The following RPL12 variants were observed in gnomAD, a reference collection of about 807,000 sequenced individuals.
RPL12 encodes the protein large ribosomal subunit protein uL11.
Under a neutral mutation model 24.5 loss-of-function variants are expected in RPL12, and 10 were observed. That is an observed-to-expected ratio of 0.41 (90% confidence interval 0.25 to 0.69). The LOEUF (loss-of-function observed/expected upper bound fraction) is 0.69, where lower values mean the gene tolerates loss of function less well. Ranked by LOEUF, RPL12 falls within the 30% of genes least tolerant of loss-of-function variation. The pLI, the probability that RPL12 is intolerant of heterozygous loss-of-function variation, is 0.33. For missense variants in RPL12, 137 were observed against 205.3 expected (o/e 0.67, Z 2.03); for synonymous variants, 74 against 76.1 (o/e 0.97, Z 0.14).
intron 5 of RPL12, 36 bp downstream of exon 5, chr9:127,448,301 T>C (rs2131972043): frequency 1.3e-6 from 2 of 1,498,684 alleles, no homozygotes; most frequent in Admixed American, 1.7e-5. Flanking sequence ...AAAACACAAC[T>C]ACAGTTATGG....
Position 127,447,870 on chromosome 9 carries a change from CACTT to C in RPL12, c.492+3_492+6del, listed in dbSNP as rs748015089. 4.3e-6 allele frequency: 7 copies of C among 1,610,640 alleles called. No individual in the cohort carries two copies. The highest frequency in any genetic ancestry group is 5.9e-6 in the Non-Finnish European group (7 of 1,178,554). On this transcript the variant is annotated splice_donor_5th_base_variant and intron_variant, in intron 6 of 6. Coordinates refer to ENST00000361436, the MANE Select transcript of RPL12 (RefSeq NM_000976.4). ...ACCCCTACTGTAACAATGAAAATGT[CACTT>C]ACGGCTGGGCATTCCACAGCACCAC...
chr9:127,450,683 A>G lies in RPL12; in HGVS notation c.111+48T>C, dbSNP rs1323072142. 5 of 1,415,450 alleles carry G rather than the reference A, an allele frequency of 3.5e-6. No individual in the cohort carries two copies. In the East Asian group the frequency reaches 1.0e-4, roughly 29 times the overall value. The allele number at this position is 1,415,450 out of a possible 1,614,324, so 87.7% of individuals were successfully genotyped here. ...GGCGTGACTCCACGAGCCGGCGCTT[A>G]AAGTGAAACAAATGTGAAAAAAATG... is the stretch of plus-strand genomic sequence containing the variant. On this transcript the variant is annotated intron_variant, in intron 2 of 6. Transcript: ENST00000361436.
chr9:127,448,248 C>T lies in RPL12; in HGVS notation c.379+89G>A, dbSNP rs866930646. 5 of 1,160,046 alleles carry T rather than the reference C, an allele frequency of 4.3e-6. No individual in the cohort carries two copies. In the African/African-American group the frequency reaches 6.1e-5, roughly 14 times the overall value. 71.9% of individuals were successfully genotyped at this position (1,160,046 alleles called of 1,614,324 possible). A position where few individuals can be genotyped will look rare whatever the true frequency, so the allele number is the denominator to read the frequency against. ...GAAAACTGCACCCCATCTTGGGTCT[C>T]ACTGAGCACCCTTCAAGTAAGAAGA... On this transcript the variant is annotated intron_variant, in intron 5 of 6. Coordinates refer to ENST00000361436, the MANE Select transcript of RPL12 (RefSeq NM_000976.4).
At chr9:127,449,927 C>T in intron 2 of RPL12, 1 of 543,796 alleles carries the variant, frequency 1.8e-6, no homozygotes, top group Non-Finnish European at 3.3e-6. Context: ...CCTAGACCCC[C>T]TCCTAAGTGC....
intron 2 of RPL12, 147 bp from the exon 3 acceptor site, chr9:127,449,855 C>T (rs1224561712): frequency 7.7e-6 from 5 of 653,224 alleles, no homozygotes; most frequent in Non-Finnish European, 1.4e-5. Context: ...ATCACCATAG[C>T]ATAAATTGGG....
chr9:127,448,783 CT>C (rs1834218052), intron 4 of RPL12: 1 of 412,624 alleles, frequency 2.4e-6, no homozygotes, highest in Non-Finnish European at 4.6e-6. Flanking sequence ...TGACATCTTC[CT>C]CCCACATGCA....
chr9:127,451,240 A>G (rs1588086160), intron 1 of RPL12, 41 bp downstream of exon 1: 1 of 1,607,948 alleles, frequency 6.2e-7, no homozygotes, highest in Non-Finnish European at 8.5e-7. Flanking sequence ...GGGCCGAGGG[A>G]TGCTCCATCC....
chr9:127,449,033 G>A, intron 4 of RPL12: 1 of 406,230 alleles, frequency 2.5e-6, no homozygotes, highest in Non-Finnish European at 4.6e-6. Flanking sequence ...CACCATGTTG[G>A]CCAGGCTGGT....
At chr9:127,451,203 T>A in intron 1 of RPL12, 78 bp downstream of exon 1, 1 of 1,572,714 alleles carries the variant, frequency 6.4e-7, no homozygotes, top group Non-Finnish European at 8.7e-7. Context: ...AAGAGCCCCA[T>A]ACGGGGAAAG....
chr9:127,449,807 C>T (rs959381666), intron 2 of RPL12, 99 bp from the exon 3 acceptor site: 2 of 901,408 alleles, frequency 2.2e-6, no homozygotes, highest in African/African-American at 3.3e-5. Context: ...GAAGCTATCT[C>T]AAGTACCTAA....
At chr9:127,450,505 TA>T in intron 2 of RPL12, 1 of 504,646 alleles carries the variant, frequency 2.0e-6, no homozygotes, top group Non-Finnish European at 3.5e-6. Context: ...TCAGGTACAC[TA>T]AAGCAGCAGT....
intron 1 of RPL12, 129 bp from the exon 2 acceptor site, chr9:127,450,933 AC>A: frequency 1.3e-6 from 1 of 753,000 alleles, no homozygotes; most frequent in African/African-American, 1.8e-5. Context: ...GAGGCGGGCC[AC>A]CCGCTCCTCC....
chr9:127,449,405 T>A, intron 3 of RPL12, 43 bp from the exon 4 acceptor site: 1 of 1,551,082 alleles, frequency 6.4e-7, no homozygotes, highest in Non-Finnish European at 8.8e-7. Flanking sequence ...CTCCAGTGAA[T>A]ACTGCCATGC....
At chr9:127,451,077 C>A in intron 1 of RPL12, 1 of 720,582 alleles carries the variant, frequency 1.4e-6, no homozygotes, top group Non-Finnish European at 2.2e-6. Context: ...CCCAAGCCGC[C>A]ACAGGTGGTC....
chr9:127,448,519 G>A (rs765871710), intron 4 of RPL12, 96 bp from the exon 5 acceptor site: 19 of 859,206 alleles, frequency 2.2e-5, no homozygotes, highest in Middle Eastern at 2.2e-4. Flanking sequence ...CCATGCTTTC[G>A]GCACAGAGTC....
At chr9:127,448,117 G>T in intron 5 of RPL12, 128 bp from the exon 6 acceptor site, 1 of 1,216,340 alleles carries the variant, frequency 8.2e-7, no homozygotes, top group Non-Finnish European at 1.1e-6. Flanking sequence ...CCCTAATATA[G>T]AATATAGAGT....
intron 1 of RPL12, 62 bp from the exon 2 acceptor site, chr9:127,450,866 G>A (rs1291121328): frequency 1.2e-5 from 16 of 1,294,684 alleles, no homozygotes; most frequent in Non-Finnish European, 1.5e-5. Context: ...CCCTCTCAGC[G>A]TCTTTCCGGG....
intron 4 of RPL12, 42 bp from the exon 5 acceptor site, chr9:127,448,465 G>T: frequency 7.7e-7 from 1 of 1,292,660 alleles, no homozygotes; most frequent in Non-Finnish European, 1.1e-6. Context: ...AAAGTCTGAA[G>T]CCAAAGCAGA....
At chr9:127,451,164 C>T (rs1002733704) in intron 1 of RPL12, 117 bp downstream of exon 1, 3 of 1,389,698 alleles carry the variant, frequency 2.2e-6, no homozygotes, top group South Asian at 1.3e-5. Context: ...GGCGCAACAC[C>T]GGGAAGGTCT....
Sources: allele counts gnomAD v4.1 joint callset, GRCh38; gene constraint gnomAD v4.1.1; transcripts MANE v1.5; gene names NCBI Gene and HGNC (gene_info 2026-07-23, HGNC 2026-07-21).